Variants in SCLT1 observed in about 807,000 individuals in gnomAD.
The protein encoded by SCLT1 is sodium channel and clathrin linker 1.
A neutral mutation model predicts 112.8 loss-of-function variants in SCLT1; 78 were observed. That is an observed-to-expected ratio of 0.69 (90% CI 0.58 to 0.83). The LOEUF (loss-of-function observed/expected upper bound fraction) is 0.83. Among genes scored for constraint, SCLT1 ranks in the 40% least tolerant of loss-of-function variants. The pLI is 0.00. For synonymous variants in SCLT1, 257 were observed against 254.7 expected, an observed-to-expected ratio of 1.01 and a Z score of -0.09; for missense variants, 747 against 770.4, an observed-to-expected ratio of 0.97 and a Z score of 0.36.
intron 8 of SCLT1, chr4:128,997,177 T>C (rs1743085377): frequency 6.6e-6 from 1 of 151,954 alleles, no homozygotes; most frequent in African/African-American, 2.4e-5. Context: ...GAAAAATTTT[T>C]AAAGTAGAAT....
chr4:129,003,307 A>G (rs1225701217), intron 6 of SCLT1, among the ~76,000 whole-genome samples: 1 of 152,006 alleles, frequency 6.6e-6, no homozygotes, highest in Non-Finnish European at 1.5e-5. Context: ...TAGGGGAGGG[A>G]TAGCATTAGG....
chr4:128,947,519 T>C (rs1331348899), intron 15 of SCLT1, among the ~76,000 whole-genome samples: 1 of 152,216 alleles, frequency 6.6e-6, no homozygotes, highest in Non-Finnish European at 1.5e-5. Flanking sequence ...TTACGCTACA[T>C]AGCTCTCCTT....
At chr4:128,984,690 T>C (rs1416401916) in intron 9 of SCLT1, among the ~76,000 whole-genome samples, 2 of 152,174 alleles carry the variant, frequency 1.3e-5, no homozygotes, top group Non-Finnish European at 2.9e-5. Context: ...ATCCTACATA[T>C]GCCAAAAATC....
At chr4:129,037,754 T>C (rs1298080142) in intron 5 of SCLT1, 2 of 152,188 alleles carry the variant, frequency 1.3e-5, no homozygotes, top group Admixed American at 6.5e-5. Context: ...CAACAAATTT[T>C]CAGAATACAG....
intron 18 of SCLT1, among the ~76,000 whole-genome samples, chr4:128,899,915 C>T (rs1316029562): frequency 3.3e-5 from 5 of 152,114 alleles, no homozygotes. Flanking sequence ...TGAGTGAACT[C>T]CCATTCACAA....
chr4:128,947,231 T>C (rs1194227509), intron 15 of SCLT1, among the ~76,000 whole-genome samples: 2 of 152,148 alleles, frequency 1.3e-5, no homozygotes, highest in Non-Finnish European at 2.9e-5. Context: ...AAGTTTTACA[T>C]TTCCCCAAAA....
At chr4:129,075,474 C>G (rs182625221) in intron 2 of SCLT1, among the ~76,000 whole-genome samples, 114 of 152,160 alleles carry the variant, frequency 7.5e-4, no homozygotes, top group African/African-American at 2.6e-3. Flanking sequence ...CAAAATCATC[C>G]CTTCAAGGTT....
At chr4:128,886,785 T>C (rs1245876981) in intron 20 of SCLT1, among the ~76,000 whole-genome samples, 1 of 152,182 alleles carries the variant, frequency 6.6e-6, no homozygotes, top group African/African-American at 2.4e-5. Context: ...CTAGACTGTT[T>C]AGGTTTAATT....
Position 128,952,736 on chromosome 4 carries a change from T to C in SCLT1, c.1218+33A>G, listed in dbSNP as rs769776447. On this transcript the variant is annotated intron_variant, in intron 14 of 20. Transcript: ENST00000281142. ...ATCTTGGCCTTTAAAATAAGTAATA[T>C]TTGGAAGAAAATATCAGTATAGTCA... 5 of 1,138,018 alleles carry C rather than the reference T, an allele frequency of 4.4e-6. No individual in the cohort carries two copies. The South Asian group carries it at 6.2e-5, about 14-fold the overall frequency. The allele number at this position is 1,138,018 out of a possible 1,614,324, so 70.5% of individuals were successfully genotyped here. A position where few individuals can be genotyped will look rare whatever the true frequency, so the allele number is the denominator to read the frequency against.
chr4:128,885,299 C>T (rs909091500), intron 20 of SCLT1, among the ~76,000 whole-genome samples: 1 of 152,258 alleles, frequency 6.6e-6, no homozygotes, highest in Admixed American at 6.5e-5. Flanking sequence ...AAGTCTCGTT[C>T]CCATTGCTGT....
In SCLT1 at chr4:129,093,191, C is replaced by T. The variant is rs1308561882; in HGVS notation, c.-88G>A. On this transcript the variant is annotated 5_prime_UTR_variant, in exon 1 of 21. Transcript: ENST00000281142. ...TGCTGTGCGGGAAAACAAAACTAAG[C>T]CAACGCTCGGTTGGTTGTCAAGCGC... The T allele has an allele frequency of 1.3e-5, 17 of 1,275,058 alleles. No homozygotes were observed. The highest frequency in any genetic ancestry group is 1.9e-5 in the Non-Finnish European group (17 of 873,332). The allele number at this position is 1,275,058 out of a possible 1,614,324, so 79.0% of individuals were successfully genotyped here. A position where few individuals can be genotyped will look rare whatever the true frequency, so the allele number is the denominator to read the frequency against.
At chr4:128,916,222 C>A (rs1373765728) in intron 18 of SCLT1, among the ~76,000 whole-genome samples, 1 of 152,160 alleles carries the variant, frequency 6.6e-6, no homozygotes, top group African/African-American at 2.4e-5. Context: ...TGAATCAGAG[C>A]AGATTTGGGT....
At chr4:128,971,201 C>A (rs144801330) in intron 9 of SCLT1, 6 of 152,162 alleles carry the variant, frequency 3.9e-5, no homozygotes, top group African/African-American at 1.4e-4. Context: ...AAAGAACATA[C>A]ATTTTCAAGA....
At chr4:129,011,767 G>A (rs1455563148) in intron 5 of SCLT1, among the ~76,000 whole-genome samples, 2 of 152,038 alleles carry the variant, frequency 1.3e-5, no homozygotes, top group East Asian at 1.9e-4. Context: ...AGTCTTAGGA[G>A]GGTGTATGTG....
At chr4:128,909,504 C>T (rs1172906923) in intron 18 of SCLT1, among the ~76,000 whole-genome samples, 3 of 152,200 alleles carry the variant, frequency 2.0e-5, no homozygotes, top group African/African-American at 7.2e-5. Flanking sequence ...CCACTTCGGT[C>T]TCCCAAATGC....
chr4:129,050,853 T>A (rs1748715140), intron 2 of SCLT1, among the ~76,000 whole-genome samples: 1 of 152,242 alleles, frequency 6.6e-6, no homozygotes, highest in African/African-American at 2.4e-5. Context: ...CTGGGCTTTT[T>A]ATGGTTTTGG....
In SCLT1 at chr4:128,979,143, G is replaced by GT. The variant is rs746957716; in HGVS notation, c.687-8676dup. On this transcript the variant is annotated intron_variant, in intron 9 of 20. Transcript: ENST00000281142. ...ATTATATTGCAACACTGCAAGGAAG[G>GT]TAATTTCATTTTCATTATAGCAATG... 1.6e-3 allele frequency among the ~76,000 whole-genome samples: 246 copies of GT among 152,260 alleles called. 3 individuals carry two copies. Among genetic ancestry groups the GT allele is most frequent in the Non-Finnish European group, 1.6e-3 (112 of 68,020 alleles).
intron 16 of SCLT1, 64 bp from the exon 17 acceptor site, chr4:128,943,252 CTG>C: frequency 8.6e-7 from 1 of 1,163,222 alleles, no homozygotes; most frequent in Non-Finnish European, 1.2e-6. Flanking sequence ...AGATAAAAGT[CTG>C]TCTACATTTT....
At chr4:128,978,526 G>A (rs1385409186) in intron 9 of SCLT1, among the ~76,000 whole-genome samples, 1 of 151,974 alleles carries the variant, frequency 6.6e-6, no homozygotes, top group African/African-American at 2.4e-5. Flanking sequence ...AAATGTTTAA[G>A]AAAGGTAGAA....
Sources: gnomAD v4.1 joint callset for allele counts (sites outside exome capture counted in the v4.1 genomes callset) on GRCh38, gnomAD v4.1.1 for gene constraint, MANE v1.5 for transcripts, NCBI Gene and HGNC (gene_info 2026-07-23, HGNC 2026-07-21) for gene names.